AFG2A: variants seen among roughly 807,000 people sequenced by gnomAD.
AFG2A encodes the protein ATPase family gene 2 protein homolog A.
the AFG2A span, among the ~76,000 whole-genome samples, chr4:123,024,655 T>G: frequency 6.6e-6 from 1 of 152,210 alleles, no homozygotes; most frequent in Non-Finnish European, 1.5e-5. Context: ...GGCTACAAAA[T>G]CTGGCTTTAG....
chr4:122,941,578 A>G, the AFG2A span, among the ~76,000 whole-genome samples: 1 of 152,182 alleles, frequency 6.6e-6, no homozygotes, highest in Non-Finnish European at 1.5e-5. Context: ...GTTGTCTGCA[A>G]ACAGGGACAA....
At chr4:123,155,626 A>AATAGT in the AFG2A span, among the ~76,000 whole-genome samples, 69,429 of 151,850 alleles carry the variant, frequency 0.46, 19,364 homozygotes, top group Non-Finnish European at 0.61. Flanking sequence ...TTGTTAAAAA[A>AATAGT]ATAACTATCT....
the AFG2A span, among the ~76,000 whole-genome samples, chr4:123,258,383 GTTTCA>G: frequency 6.6e-6 from 1 of 152,122 alleles, no homozygotes; most frequent in East Asian, 1.9e-4. Flanking sequence ...AAGATAAAAG[GTTTCA>G]TTTCTCTCTC....
At chr4:122,955,902 T>A in the AFG2A span, among the ~76,000 whole-genome samples, 2 of 152,170 alleles carry the variant, frequency 1.3e-5, no homozygotes, top group Admixed American at 6.5e-5. Context: ...GGCCTGGTCG[T>A]AGAAATGGAT....
the AFG2A span, among the ~76,000 whole-genome samples, chr4:123,313,573 G>A: frequency 7.6e-4 from 115 of 152,276 alleles, no homozygotes; most frequent in Non-Finnish European, 6.9e-4. Flanking sequence ...AAGTATGTGC[G>A]TGCACAGCTA....
At chr4:122,934,023 A>G in the AFG2A span, 1 of 1,411,370 alleles carries the variant, frequency 7.1e-7, no homozygotes, top group East Asian at 2.4e-5. Context: ...AATAGATGAA[A>G]TATATTGCTA....
the AFG2A span, among the ~76,000 whole-genome samples, chr4:123,103,181 G>A: frequency 6.6e-6 from 1 of 152,004 alleles, no homozygotes; most frequent in Non-Finnish European, 1.5e-5. Flanking sequence ...GAATGAAACT[G>A]GCTTTGCTTT....
chr4:122,997,989 G>GT, the AFG2A span, among the ~76,000 whole-genome samples: 13 of 152,030 alleles, frequency 8.6e-5, no homozygotes, highest in East Asian at 2.3e-3. Flanking sequence ...TCTTAATTCG[G>GT]TGATTTGTCT....
At chr4:123,303,567 C>T in the AFG2A span, among the ~76,000 whole-genome samples, 2 of 152,086 alleles carry the variant, frequency 1.3e-5, no homozygotes, top group Non-Finnish European at 2.9e-5. Flanking sequence ...GAGTTAGAGA[C>T]CAGCCTGGAC....
chr4:123,214,858 T>G, the AFG2A span, among the ~76,000 whole-genome samples: 1 of 152,040 alleles, frequency 6.6e-6, no homozygotes, highest in Non-Finnish European at 1.5e-5. Flanking sequence ...GAATACAGTA[T>G]ATAATACATA....
the AFG2A span, among the ~76,000 whole-genome samples, chr4:123,258,289 C>T: frequency 2.0e-5 from 3 of 152,132 alleles, no homozygotes; most frequent in Non-Finnish European, 4.4e-5. Context: ...AGGCAGTTCA[C>T]ACAGTTGTTT....
the AFG2A span, among the ~76,000 whole-genome samples, chr4:123,030,759 G>A: frequency 6.6e-6 from 1 of 152,088 alleles, no homozygotes; most frequent in Admixed American, 6.5e-5. Context: ...CTTTGGACCT[G>A]AAGTGTTTAG....
At chr4:122,936,208 C>T in the AFG2A span, 2 of 1,429,016 alleles carry the variant, frequency 1.4e-6, no homozygotes, top group Non-Finnish European at 1.9e-6. Context: ...CTGTATTAGT[C>T]AAAGTGAGAT....
chr4:123,063,520 G>A, the AFG2A span, among the ~76,000 whole-genome samples: 509 of 152,288 alleles, frequency 3.3e-3, 3 homozygotes, highest in Middle Eastern at 0.014. Context: ...GCCGAAGTGG[G>A]CGGATCACGA....
At chr4:123,089,974 A>G in the AFG2A span, among the ~76,000 whole-genome samples, 2 of 152,180 alleles carry the variant, frequency 1.3e-5, no homozygotes, top group African/African-American at 4.8e-5. Flanking sequence ...CTGGCTTTGT[A>G]ATGGACTTGG....
chr4:123,196,028 G>C, the AFG2A span, among the ~76,000 whole-genome samples: 1 of 150,090 alleles, frequency 6.7e-6, no homozygotes, highest in Non-Finnish European at 1.5e-5. Flanking sequence ...TTATTGAGAC[G>C]GAGTCTCTGT....
the AFG2A span, among the ~76,000 whole-genome samples, chr4:123,285,229 G>A: frequency 2.0e-5 from 3 of 151,874 alleles, no homozygotes; most frequent in Admixed American, 6.6e-5. Flanking sequence ...GTCAGAATTC[G>A]TACCCTCTTC....
At chr4:122,966,449 A>G in the AFG2A span, among the ~76,000 whole-genome samples, 2 of 152,190 alleles carry the variant, frequency 1.3e-5, no homozygotes, top group South Asian at 4.2e-4. Context: ...ATCTTTTATT[A>G]TTCTATAGGG....
the AFG2A span, among the ~76,000 whole-genome samples, chr4:122,978,042 G>A: frequency 6.6e-6 from 1 of 151,956 alleles, no homozygotes. Context: ...CTGTAGGCAG[G>A]TTGTCCCAGT....
Sources: gnomAD v4.1 joint callset for allele counts (sites outside exome capture counted in the v4.1 genomes callset) on GRCh38, gnomAD v4.1.1 for gene constraint, MANE v1.5 for transcripts, NCBI Gene and HGNC (gene_info 2026-07-23, HGNC 2026-07-21) for gene names.